Variants in ZSWIM8 observed in about 807,000 individuals in gnomAD.
ZSWIM8 encodes zinc finger SWIM-type containing 8, also known as zinc finger SWIM domain-containing protein 8.
ZSWIM8 carries 27 observed loss-of-function variants against 173.7 expected under a neutral mutation model. The observed-to-expected ratio is 0.16, with a 90% CI of 0.11 to 0.21. The LOEUF (loss-of-function observed/expected upper bound fraction) is 0.21, where lower values mean the gene tolerates loss of function less well. Ranked by LOEUF, ZSWIM8 falls within the 10% of genes least tolerant of loss-of-function variation. The probability of loss-of-function intolerance (pLI) is 1.00; values close to 1 mark genes in which losing one functional copy is unlikely to be tolerated. For synonymous variants in ZSWIM8, 958 were observed against 962.0 expected (o/e 1.00, Z 0.08); for missense variants, 1,627 against 2,428.8 (o/e 0.67, Z 6.94).
chr10:73,790,992 A>G lies in ZSWIM8; in HGVS notation c.959A>G (p.Tyr320Cys). 6.2e-7 allele frequency: 1 copy of G among 1,610,628 alleles called. No individual in the cohort carries two copies. The highest frequency in any genetic ancestry group is 1.7e-4 in the Middle Eastern group (1 of 6,058). Residue 320 changes from tyrosine to cysteine, a missense_variant, in exon 8 of 26, where the codon TAT becomes TGT. Around this residue, in one of 18 missense-constraint regions of ZSWIM8, gnomAD observed 38 missense variants for 106.1 expected, o/e 0.36. Coordinates refer to ENST00000604729, the MANE Select transcript of ZSWIM8 (RefSeq NM_001367799.1). ...PVVFSDVNSM[Y>C]LSSTEPPAAA... ...TTTTACAGTGATGTGAACTCCATGT[A>G]TCTGTCTTCCACGGAGCCGCCAGCC...
rs1218894507 is a variant in ZSWIM8 at position 73,799,477 on chromosome 10, C to G, written c.4652C>G (p.Ser1551Cys). Reference sequence around the variant, plus strand: ...CCTGCCGTCTTCCCTGTGCCCAGCTCTGCATACCCACAGGTGAGACCAGTG... The same window carrying G: ...CCTGCCGTCTTCCCTGTGCCCAGCTGTGCATACCCACAGGTGAGACCAGTG... Reference protein sequence around the residue: ...PRPAVFPVPSSAYPQGVHPAF... With the variant: ...PRPAVFPVPSCAYPQGVHPAF... Residue 1551 changes from serine (S) to cysteine (C), a missense_variant, in exon 21 of 26, where the codon TCT becomes TGT. Ser to Cys is a moderately radical substitution (Grantham distance 112, BLOSUM62 -1). Transcript: ENST00000604729. 1 of 1,599,072 alleles carries G rather than the reference C, an allele frequency of 6.3e-7. No individual in the cohort carries two copies. The highest frequency in any genetic ancestry group is 2.3e-5 in the East Asian group (1 of 44,266).
chr10:73,794,510 G>C lies in ZSWIM8; in HGVS notation c.2810-31G>C. On this transcript the variant is annotated intron_variant, in intron 13 of 25. Transcript: ENST00000604729. ...ATTTTTTCCCATGCATGATACTTCT[G>C]TCTGCCTGACTTACCCCAACTTTTA... 3 of 1,566,266 alleles carry C rather than the reference G, an allele frequency of 1.9e-6. No individual in the cohort carries two copies. The South Asian group carries it at 3.5e-5, about 18-fold the overall frequency.
rs199835665 is a variant in ZSWIM8 at position 73,797,485 on chromosome 10, G to C, written c.3542G>C (p.Gly1181Ala). The change falls in exon 18 of 26, where the codon GGT (glycine) becomes GCT (alanine). Residue 1181 changes from glycine (G) to alanine (A), a missense_variant. Physicochemically the swap from Gly to Ala is moderately conservative, Grantham distance 60. Transcript: ENST00000604729. This position sits in a 1 kb window ranked among gnomAD's most constrained non-coding sequence, Gnocchi z 5.6. ...TGGGCCCCCACCTCCTGGGGTCGAG[G>C]TCAGGACAGTGACAGCATTAGCAGC... ...GGWAPTSWGR[G>A]QDSDSISSSS... 1.4e-4 allele frequency: 219 copies of C among 1,613,964 alleles called. No homozygotes were observed. In the African/African-American group the frequency reaches 2.8e-3, roughly 20 times the overall value.
intron 1 of ZSWIM8, among the ~76,000 whole-genome samples, chr10:73,787,084 C>T (rs2083254371): frequency 1.3e-5 from 2 of 152,204 alleles, no homozygotes; most frequent in Non-Finnish European, 2.9e-5. Flanking sequence ...GCTGGGATTA[C>T]AGGCATGTGT....
Position 73,792,820 on chromosome 10 carries a change from C to T in ZSWIM8, c.2281C>T (p.Leu761=), listed in dbSNP as rs779282029. The change falls in exon 10 of 26, where the codon CTG becomes TTG. Residue 761 remains leucine, a synonymous_variant. Coordinates refer to ENST00000604729, the MANE Select transcript of ZSWIM8 (RefSeq NM_001367799.1). This position sits in a 1 kb window ranked among gnomAD's most constrained non-coding sequence, Gnocchi z 4.3. ...AGEEHDLFAG[L]KPLEQESRME... ...GGAGGAGCACGACCTGTTTGCTGGGCTGAAGCCACTGGAACAGGAGAGTCG... is the reference window on the plus strand; with the variant it reads ...GGAGGAGCACGACCTGTTTGCTGGGTTGAAGCCACTGGAACAGGAGAGTCG... The T allele has an allele frequency of 2.0e-5, 32 of 1,588,836 alleles. No homozygotes were observed. Among genetic ancestry groups the T allele is most frequent in the Non-Finnish European group, 2.6e-5 (30 of 1,172,098 alleles).
rs972516356 is a variant in ZSWIM8, at chr10:73,800,588, A to C, written c.5003-52A>C. The C allele has an allele frequency of 4.9e-5, 78 of 1,606,598 alleles. No individual in the cohort carries two copies. The highest frequency in any genetic ancestry group is 6.6e-5 in the Non-Finnish European group (77 of 1,175,408). ...TGGGGTCAGGTGACAGGTTGGGGTA[A>C]AGGGTGAAGAGGATACACCGTACCA... On this transcript the variant is annotated intron_variant, in intron 23 of 25. Transcript: ENST00000604729. This position sits in a 1 kb window ranked among gnomAD's most constrained non-coding sequence, Gnocchi z 4.1.
Position 73,796,763 on chromosome 10 carries a change from C to T in ZSWIM8, c.3034-11C>T, listed in dbSNP as rs1202724254. The T allele has an allele frequency of 6.2e-7, 1 of 1,611,742 alleles. No homozygotes were observed. The highest frequency in any genetic ancestry group is 1.7e-5 in the Admixed American group (1 of 60,030). ...ACTGCTTCTCTGGAGGTCACTGCTT[C>T]TGTCTTCCAGATCTTAGACAAACTC... On this transcript the variant is annotated splice_polypyrimidine_tract_variant and intron_variant, in intron 15 of 25. Transcript: ENST00000604729.
At position 73,792,003 on chromosome 10, in the gene ZSWIM8, G is replaced by C; in HGVS notation, c.1464G>C (p.Glu488Asp). ...AGGCCTGCTACTTCAACTGGGAAGA[G>C]GCCTACCCACTTCCTGGTGTCACCT... ...AVEACYFNWEEAYPLPGVTYS... is the reference protein window; with the variant it reads ...AVEACYFNWEDAYPLPGVTYS... Residue 488 changes from glutamate to aspartate, a missense_variant, in exon 10 of 26, where the codon GAG becomes GAC. Physicochemically the swap from Glu to Asp is conservative, Grantham distance 45 (BLOSUM62 2). Transcript: ENST00000604729. The surrounding 1 kb of genome is among the most constrained non-coding windows in gnomAD (Gnocchi z 4.3). 2 of 1,550,984 alleles carry C rather than the reference G, an allele frequency of 1.3e-6. No homozygotes were observed. Among genetic ancestry groups the C allele is most frequent in the Non-Finnish European group, 1.7e-6 (2 of 1,146,730 alleles).
Position 73,801,584 on chromosome 10 carries a change from G to A in ZSWIM8, c.*65G>A, listed in dbSNP as rs781302362. On this transcript the variant is annotated 3_prime_UTR_variant, in exon 26 of 26. Coordinates refer to ENST00000604729, the MANE Select transcript of ZSWIM8 (RefSeq NM_001367799.1). This position sits in a 1 kb window ranked among gnomAD's most constrained non-coding sequence, Gnocchi z 4.9. The stretch of plus-strand genomic sequence containing the variant: ...GTGGCTATGGGGGCCCCTCACACAG[G>A]GGGAGTGAAACTTGGCTGGACAGAT... 7 of 1,578,476 alleles carry A rather than the reference G, an allele frequency of 4.4e-6. No homozygotes were observed. Among genetic ancestry groups the A allele is most frequent in the Middle Eastern group, 1.7e-4 (1 of 6,024 alleles).
Position 73,796,670 on chromosome 10 carries a change from A to G in ZSWIM8, c.3034-104A>G, listed in dbSNP as rs992013200. 5 of 1,481,134 alleles carry G rather than the reference A, an allele frequency of 3.4e-6. No homozygotes were observed. The Admixed American group carries it at 1.0e-4, about 31-fold the overall frequency. The allele number at this position is 1,481,134 out of a possible 1,614,324, so 91.7% of individuals were successfully genotyped here. A position where few individuals can be genotyped will look rare whatever the true frequency, so the allele number is the denominator to read the frequency against. Reference sequence around the variant, plus strand: ...TGTAAGTGGGGAAGGCTCCCTGAGGATGTAGCAATTGGCTGTTTCAAGGAG... The same window carrying G: ...TGTAAGTGGGGAAGGCTCCCTGAGGGTGTAGCAATTGGCTGTTTCAAGGAG... On this transcript the variant is annotated intron_variant, in intron 15 of 25. Transcript: ENST00000604729.
In ZSWIM8 at chr10:73,785,845, G is replaced by A. The variant is rs1228916355; in HGVS notation, c.-34G>A. On this transcript the variant is annotated 5_prime_UTR_variant, in exon 1 of 26. Coordinates refer to ENST00000604729, the MANE Select transcript of ZSWIM8 (RefSeq NM_001367799.1). ...CCGGCGGCCCAGGCCCCGGATCCGC[G>A]GGGGGGGACCCGGCCCCGGGGGGTG... 2.8e-6 allele frequency: 4 copies of A among 1,453,380 alleles called. No individual in the cohort carries two copies. The highest frequency in any genetic ancestry group is 3.0e-5 in the African/African-American group (2 of 67,476). The allele number at this position is 1,453,380 out of a possible 1,614,324, so 90.0% of individuals were successfully genotyped here.
rs202184452 is a variant in ZSWIM8, at chr10:73,798,101, A to G, written c.3952+31A>G. The G allele has an allele frequency of 5.9e-4, 955 of 1,608,006 alleles. 8 individuals carry two copies. In the African/African-American group the frequency reaches 9.3e-3, roughly 16 times the overall value. On this transcript the variant is annotated intron_variant, in intron 19 of 25. Transcript: ENST00000604729. ...TCATTTGACCTGACTTGGGTATGGGAGGGGGATTAATTGGTGGGGATAAGA... is the reference window on the plus strand; with the variant it reads ...TCATTTGACCTGACTTGGGTATGGGGGGGGGATTAATTGGTGGGGATAAGA...
chr10:73,796,377 A>AT (rs1304740889), intron 15 of ZSWIM8: 1 of 424,390 alleles, frequency 2.4e-6, no homozygotes, highest in Admixed American at 3.0e-5. Context: ...GAAGAAAAAA[A>AT]GAAAAGTGCT....
chr10:73,798,156 TAAA>T, intron 19 of ZSWIM8, 71 bp from the exon 20 acceptor site: 1 of 1,594,284 alleles, frequency 6.3e-7, no homozygotes, highest in Non-Finnish European at 8.6e-7. Flanking sequence ...ACTGATCTGA[TAAA>T]AAGACATTAT....
chr10:73,792,880 G>A lies in ZSWIM8; in HGVS notation c.2313+28G>A, dbSNP rs780700746. 2 of 1,521,376 alleles carry A rather than the reference G, an allele frequency of 1.3e-6. No individual in the cohort carries two copies. The highest frequency in any genetic ancestry group is 1.8e-6 in the Non-Finnish European group (2 of 1,140,424). 94.2% of individuals were successfully genotyped at this position (1,521,376 alleles called of 1,614,324 possible). On this transcript the variant is annotated intron_variant, in intron 10 of 25. Transcript: ENST00000604729. This position sits in a 1 kb window ranked among gnomAD's most constrained non-coding sequence, Gnocchi z 4.3. ...GAGGGGATGGAAGGAGGGAGGGCTG[G>A]GTGCTCCTTAGCCACAACTGGGAGG...
In ZSWIM8 at chr10:73,791,593, A is replaced by G; in HGVS notation, c.1319+94A>G. The G allele has an allele frequency of 7.3e-7, 1 of 1,376,922 alleles. No homozygotes were observed. The highest frequency in any genetic ancestry group is 9.6e-7 in the Non-Finnish European group (1 of 1,039,216). 85.3% of individuals were successfully genotyped at this position (1,376,922 alleles called of 1,614,324 possible). A position where few individuals can be genotyped will look rare whatever the true frequency, so the allele number is the denominator to read the frequency against. On this transcript the variant is annotated intron_variant, in intron 9 of 25. Coordinates refer to ENST00000604729, the MANE Select transcript of ZSWIM8 (RefSeq NM_001367799.1). This position sits in a 1 kb window ranked among gnomAD's most constrained non-coding sequence, Gnocchi z 6.0. ...TCCTTGTTTGCAGAGACATACCATG[A>G]TTTTAGTCCTCGGGAAACGGGAGGT...
rs774512264 is a variant in ZSWIM8, at chr10:73,792,313, G to A, written c.1774G>A (p.Gly592Ser). The part of the protein sequence containing the change: ...GGKAKALGGA[G>S]SGSKGSAGGG... ...CAAAGCCAAGGCACTGGGTGGGGCT[G>A]GCAGTGGGAGCAAGGGCTCAGCAGG... The change falls in exon 10 of 26, where the codon GGC (glycine) becomes AGC (serine). Residue 592 changes from glycine to serine, a missense_variant. Transcript: ENST00000604729. This position sits in a 1 kb window ranked among gnomAD's most constrained non-coding sequence, Gnocchi z 4.3. 3 of 1,612,772 alleles carry A rather than the reference G, an allele frequency of 1.9e-6. No individual in the cohort carries two copies. In the Admixed American group the frequency reaches 5.0e-5, roughly 27 times the overall value.
intron 20 of ZSWIM8, 99 bp downstream of exon 20, chr10:73,798,552 G>T: frequency 9.1e-7 from 1 of 1,095,214 alleles, no homozygotes; most frequent in Non-Finnish European, 1.3e-6. Flanking sequence ...CCCGTATCCT[G>T]GAGTTTACAG....
rs2083426062 is a variant in ZSWIM8, at chr10:73,791,823, A to G, written c.1320-36A>G. The G allele has an allele frequency of 6.8e-7, 1 of 1,475,380 alleles. No individual in the cohort carries two copies. The highest frequency in any genetic ancestry group is 9.0e-7 in the Non-Finnish European group (1 of 1,105,132). 91.4% of individuals were successfully genotyped at this position (1,475,380 alleles called of 1,614,324 possible). On this transcript the variant is annotated intron_variant, in intron 9 of 25. Transcript: ENST00000604729. The surrounding 1 kb of genome is among the most constrained non-coding windows in gnomAD (Gnocchi z 6.0). ...TACTCCATGCCCATCCTTTCCCAGT[A>G]GCCCCTCAGCAGCCTCCTGCCCCTT...
Sources: gnomAD v4.1 joint callset for allele counts (sites outside exome capture counted in the v4.1 genomes callset) on GRCh38, gnomAD v4.1.1 for gene constraint, gnomAD v4.1.1 regional missense constraint, Gnocchi (gnomAD v3.1) non-coding constraint, MANE v1.5 for transcripts, NCBI Gene and HGNC (gene_info 2026-07-23, HGNC 2026-07-21) for gene names.